MYO1D: variants seen among roughly 807,000 people sequenced by gnomAD.
MYO1D encodes unconventional myosin-Id.
In MYO1D, 83 loss-of-function variants were observed where a neutral mutation model predicts 122.0. The observed-to-expected ratio is 0.68, with a 90% confidence interval of 0.57 to 0.82. The LOEUF is 0.82. MYO1D is among the 40% of genes least tolerant of loss of function. MYO1D has a pLI of 0.00. For missense variants in MYO1D, 1,157 were observed against 1,269.5 expected, an observed-to-expected ratio of 0.91 and a Z score of 1.35; for synonymous variants, 464 against 446.9, an observed-to-expected ratio of 1.04 and a Z score of -0.48.
chr17:32,859,071 T>G (rs904455796), intron 1 of MYO1D, among the ~76,000 whole-genome samples: 5 of 152,216 alleles, frequency 3.3e-5, no homozygotes, highest in South Asian at 4.1e-4. Flanking sequence ...GTGTGACCAT[T>G]GCTATTATAT....
intron 21 of MYO1D, among the ~76,000 whole-genome samples, chr17:32,580,568 C>T (rs552031870): frequency 3.4e-4 from 51 of 151,728 alleles, no homozygotes; most frequent in African/African-American, 1.1e-3. Flanking sequence ...CGCCACCAGG[C>T]CCAGCTAATT....
chr17:32,876,791 T>G lies in MYO1D; in HGVS notation c.82A>C (p.Asn28His), dbSNP rs1422409398. The change falls in exon 1 of 22, where the codon AAC (asparagine) becomes CAC (histidine). Residue 28 changes from asparagine to histidine, a missense_variant. By Grantham distance (68) the Asn-to-His change is moderately conservative. Coordinates refer to ENST00000318217, the MANE Select transcript of MYO1D (RefSeq NM_015194.3). Reference sequence around the variant, plus strand: ...CTCCGCCCTCACCTGAGCCTGAGGTTGGCCATGAACTCGGGCATGGAGACG... The same window carrying G: ...CTCCGCCCTCACCTGAGCCTGAGGTGGGCCATGAACTCGGGCATGGAGACG... ...DTVSMPEFMA[N>H]LRLRFEKGRI... The G allele has an allele frequency of 6.6e-6, 10 of 1,515,192 alleles. No individual in the cohort carries two copies. Among genetic ancestry groups the G allele is most frequent in the Non-Finnish European group, 8.8e-6 (10 of 1,131,756 alleles). The allele number at this position is 1,515,192 out of a possible 1,614,324, so 93.9% of individuals were successfully genotyped here.
chr17:32,848,545 A>T (rs983504472), intron 1 of MYO1D, among the ~76,000 whole-genome samples: 3 of 152,244 alleles, frequency 2.0e-5, no homozygotes, highest in Non-Finnish European at 4.4e-5. Context: ...GTCAAGTCTC[A>T]GAATGATCAA....
At chr17:32,523,745 T>A (rs1049873874) in intron 21 of MYO1D, among the ~76,000 whole-genome samples, 20 of 146,824 alleles carry the variant, frequency 1.4e-4, no homozygotes, top group Non-Finnish European at 2.7e-4. Flanking sequence ...GAACGGTGAT[T>A]GTACCACTGC....
At chr17:32,637,612 G>A (rs1347150201) in intron 20 of MYO1D, among the ~76,000 whole-genome samples, 1 of 152,056 alleles carries the variant, frequency 6.6e-6, no homozygotes. Context: ...TGGAGGTTGC[G>A]GTGACCTGAT....
chr17:32,782,817 C>T (rs933380064), intron 1 of MYO1D, among the ~76,000 whole-genome samples: 14 of 152,068 alleles, frequency 9.2e-5, no homozygotes, highest in Admixed American at 6.5e-5. Flanking sequence ...CACTTATAAT[C>T]CTAGCTACTT....
At chr17:32,506,493 C>G (rs1478153429) in intron 21 of MYO1D, among the ~76,000 whole-genome samples, 2 of 151,954 alleles carry the variant, frequency 1.3e-5, no homozygotes, top group Non-Finnish European at 2.9e-5. Flanking sequence ...GTACAACTCT[C>G]AGAGCAGTAG....
chr17:32,864,012 T>C (rs28657967), intron 1 of MYO1D, among the ~76,000 whole-genome samples: 1,393 of 71,172 alleles, frequency 0.02, 11 homozygotes, highest in African/African-American at 0.081. Context: ...TCTTCCTTTT[T>C]TTTTTTTTTT....
chr17:32,511,364 C>A (rs1308146351), intron 21 of MYO1D, among the ~76,000 whole-genome samples: 2 of 152,052 alleles, frequency 1.3e-5, no homozygotes, highest in African/African-American at 4.8e-5. Context: ...GCTGGGACTA[C>A]AGGTGTGTGC....
chr17:32,525,535 T>C (rs1910312763), intron 21 of MYO1D, among the ~76,000 whole-genome samples: 1 of 152,140 alleles, frequency 6.6e-6, no homozygotes, highest in African/African-American at 2.4e-5. Flanking sequence ...GTGCATCTGA[T>C]AACCTGCTCC....
chr17:32,721,411 T>A (rs1462109400), intron 14 of MYO1D, among the ~76,000 whole-genome samples: 3 of 152,172 alleles, frequency 2.0e-5, no homozygotes, highest in African/African-American at 4.8e-5. Flanking sequence ...TGTTTTAGGG[T>A]TTATTAGGAA....
rs1443945515 is a variant in MYO1D at position 32,767,707 on chromosome 17, T to A, written c.760A>T (p.Met254Leu). ...AAEFRVVADA[M>L]KVIGFKPEEI... ...TCAGGTTTGAAGCCAATGACTTTCA[T>A]GGCATCAGCAACAACTCTGAATTCG... Residue 254 changes from methionine (M) to leucine (L), a missense_variant, in exon 7 of 22, where the codon ATG becomes TTG. Transcript: ENST00000318217. 6.2e-7 allele frequency: 1 copy of A among 1,613,820 alleles called. No homozygotes were observed.
chr17:32,786,377 T>C (rs978933326), intron 1 of MYO1D, among the ~76,000 whole-genome samples: 2 of 152,212 alleles, frequency 1.3e-5, no homozygotes, highest in African/African-American at 4.8e-5. Context: ...CCCAGAAGTC[T>C]CAGACATACA....
chr17:32,694,707 CAA>C (rs58606294), intron 16 of MYO1D, among the ~76,000 whole-genome samples: 31 of 55,914 alleles, frequency 5.5e-4, no homozygotes, highest in Middle Eastern at 0.016. Context: ...GACTCCGTCT[CAA>C]AAAAAAAAAA....
chr17:32,781,156 A>G (rs896407231), intron 1 of MYO1D, among the ~76,000 whole-genome samples: 12 of 152,212 alleles, frequency 7.9e-5, no homozygotes, highest in Non-Finnish European at 4.4e-5. Context: ...AAATCCACTT[A>G]GTCAGATTTT....
Position 32,859,380 on chromosome 17 carries a change from G to A in MYO1D, c.95+17398C>T, listed in dbSNP as rs368698068. ...GCTGTCACCAAGACCATGCCAGCAC[G>A]GATGCTCTTTTTCCATACTCAGGTC... On this transcript the variant is annotated intron_variant, in intron 1 of 21. Transcript: ENST00000318217. Among the ~76,000 whole-genome samples the A allele has an allele frequency of 1.2e-4, 18 of 152,136 alleles. No individual in the cohort carries two copies. In the East Asian group the frequency reaches 1.5e-3, roughly 13 times the overall value.
At chr17:32,736,439 G>A (rs1248825961) in intron 14 of MYO1D, among the ~76,000 whole-genome samples, 1 of 152,212 alleles carries the variant, frequency 6.6e-6, no homozygotes. Context: ...TGGACCAGGA[G>A]GTTGGGTGCC....
intron 19 of MYO1D, among the ~76,000 whole-genome samples, chr17:32,642,235 A>G (rs1597963507): frequency 6.6e-6 from 1 of 152,038 alleles, no homozygotes; most frequent in South Asian, 2.1e-4. Flanking sequence ...AAGATCAGAT[A>G]GTTGTAGATG....
At chr17:32,676,635 C>T (rs1216522336) in intron 16 of MYO1D, among the ~76,000 whole-genome samples, 1 of 151,854 alleles carries the variant, frequency 6.6e-6, no homozygotes, top group Admixed American at 6.6e-5. Flanking sequence ...AATTGTTAGC[C>T]GCCACCTCAC....
Sources: gnomAD v4.1 joint callset for allele counts (sites outside exome capture counted in the v4.1 genomes callset) on GRCh38, gnomAD v4.1.1 for gene constraint, MANE v1.5 for transcripts, NCBI Gene and HGNC (gene_info 2026-07-23, HGNC 2026-07-21) for gene names.